Variants in FFAR2 observed in about 807,000 individuals in gnomAD.
The protein encoded by FFAR2 is G-protein coupled receptor 43.
For missense variants in FFAR2, 421 were observed against 428.9 expected (o/e 0.98, Z 0.16); for synonymous variants, 193 against 189.9 (o/e 1.02, Z -0.13).
In FFAR2 at chr19:35,450,614, A is replaced by G; in HGVS notation, c.900A>G (p.Gly300=). 6.2e-7 allele frequency: 1 copy of G among 1,614,164 alleles called. No homozygotes were observed. Among genetic ancestry groups the G allele is most frequent in the South Asian group, 1.1e-5 (1 of 91,082 alleles). ...VLRNQGSSLL[G]RRGKDTAEGT... The stretch of plus-strand genomic sequence containing the variant: ...GGAATCAGGGCTCCTCCCTGTTGGG[A>G]CGCAGAGGCAAAGACACAGCAGAGG... The change falls in exon 2 of 2, where the codon GGA becomes GGG. Residue 300 remains glycine (G), a synonymous_variant. Transcript: ENST00000599180.
At position 35,449,880 on chromosome 19, in the gene FFAR2, C is replaced by T; in HGVS notation, c.166C>T (p.Leu56Phe). Residue 56 changes from leucine to phenylalanine, a missense_variant, in exon 2 of 2, where the codon CTC becomes TTC. By Grantham distance (22) the Leu-to-Phe change is conservative. Transcript: ENST00000599180. The part of the protein sequence containing the change: ...ILLLSLTLAD[L>F]LLLLLLPFKI... ...CCTGCTGAGCCTGACGCTGGCCGAC[C>T]TCCTCCTGCTGCTGCTGCTGCCCTT... The T allele has an allele frequency of 6.2e-7, 1 of 1,613,142 alleles. No homozygotes were observed. The highest frequency in any genetic ancestry group is 8.5e-7 in the Non-Finnish European group (1 of 1,179,988).
chr19:35,449,571 G>T, intron 1 of FFAR2, 143 bp from the exon 2 acceptor site: 1 of 799,884 alleles, frequency 1.3e-6, no homozygotes. Context: ...AGCAGGTGGT[G>T]TGAGCAAGCC....
At position 35,450,476 on chromosome 19, in the gene FFAR2, G is replaced by A. The variant is rs778759432; in HGVS notation, c.762G>A (p.Trp254Ter). The A allele has an allele frequency of 3.1e-6, 5 of 1,614,240 alleles. No individual in the cohort carries two copies. Among genetic ancestry groups the A allele is most frequent in the Non-Finnish European group, 4.2e-6 (5 of 1,180,044 alleles). ...VGYHQRKSPW[W>*]RSIAVVFSSL... The stretch of plus-strand genomic sequence containing the variant: ...ATCACCAGAGAAAAAGCCCCTGGTG[G>A]CGGTCAATAGCCGTGGTGTTCAGTT... Residue 254 changes from tryptophan (W) to a stop codon, truncating the protein, a stop_gained, in exon 2 of 2, where the codon TGG becomes TGA. Coordinates refer to ENST00000599180, the MANE Select transcript of FFAR2 (RefSeq NM_001370087.1). LOFTEE classifies it low-confidence loss of function (END_TRUNC).
chr19:35,450,787 C>A lies in FFAR2; in HGVS notation c.*80C>A. The A allele has an allele frequency of 7.0e-7, 1 of 1,429,442 alleles. No individual in the cohort carries two copies. The highest frequency in any genetic ancestry group is 9.4e-7 in the Non-Finnish European group (1 of 1,062,178). The allele number at this position is 1,429,442 out of a possible 1,614,324, so 88.5% of individuals were successfully genotyped here. A position where few individuals can be genotyped will look rare whatever the true frequency, so the allele number is the denominator to read the frequency against. ...GGGAGAGGCGGAGCAGGAAGGCTCC[C>A]ATCCAGATTCAGAAATCCTTAGACC... On this transcript the variant is annotated 3_prime_UTR_variant, in exon 2 of 2. Coordinates refer to ENST00000599180, the MANE Select transcript of FFAR2 (RefSeq NM_001370087.1).
At chr19:35,449,637 C>A in intron 1 of FFAR2, 77 bp from the exon 2 acceptor site, 1 of 1,447,038 alleles carries the variant, frequency 6.9e-7, no homozygotes, top group Non-Finnish European at 9.3e-7. Flanking sequence ...GGAGGATGTC[C>A]GCATCCTGAA....
rs2067377870 is a variant in FFAR2, at chr19:35,450,860, A to G, written c.*153A>G. 1 of 732,206 alleles carries G rather than the reference A, an allele frequency of 1.4e-6. No homozygotes were observed. Among genetic ancestry groups the G allele is most frequent in the South Asian group, 1.9e-5 (1 of 52,732 alleles). 45.4% of individuals were successfully genotyped at this position (732,206 alleles called of 1,614,324 possible). A position where few individuals can be genotyped will look rare whatever the true frequency, so the allele number is the denominator to read the frequency against. On this transcript the variant is annotated 3_prime_UTR_variant, in exon 2 of 2. Transcript: ENST00000599180. ...AAAAAATGCCTTTCACCAGCTTGGTATCCCTTCCTGACTGAATTGTCCTAC... is the reference window on the plus strand; with the variant it reads ...AAAAAATGCCTTTCACCAGCTTGGTGTCCCTTCCTGACTGAATTGTCCTAC...
Position 35,450,053 on chromosome 19 carries a change from C to T in FFAR2, c.339C>T (p.Phe113=), listed in dbSNP as rs770171823. 1 of 1,614,186 alleles carries T rather than the reference C, an allele frequency of 6.2e-7. No individual in the cohort carries two copies. Among genetic ancestry groups the T allele is most frequent in the Non-Finnish European group, 8.5e-7 (1 of 1,180,028 alleles). ...TCGAGCGCTACCTGGGAGTGGCTTT[C>T]CCCGTGCAGTACAAGCTCTCCCGCC... ...ISIERYLGVA[F]PVQYKLSRRP... Residue 113 remains phenylalanine (F), a synonymous_variant, in exon 2 of 2, where the codon TTC becomes TTT. Transcript: ENST00000599180.
chr19:35,449,570 T>C, intron 1 of FFAR2, 144 bp from the exon 2 acceptor site: 2 of 772,958 alleles, frequency 2.6e-6, no homozygotes, highest in Non-Finnish European at 4.1e-6. Context: ...GAGCAGGTGG[T>C]GTGAGCAAGC....
rs1357075862 is a variant in FFAR2 at position 35,450,912 on chromosome 19, C to A, written c.*205C>A. ...CAAAGGAGCATAAGTCAGAGATGCA[C>A]GAAGAAGTAGTTAGGTATAGAAGCA... On this transcript the variant is annotated 3_prime_UTR_variant, in exon 2 of 2. Transcript: ENST00000599180. 6.9e-6 allele frequency: 4 copies of A among 577,768 alleles called. No homozygotes were observed. Among genetic ancestry groups the A allele is most frequent in the South Asian group, 4.5e-5 (2 of 44,342 alleles). The allele number at this position is 577,768 out of a possible 1,614,324, so 35.8% of individuals were successfully genotyped here. A position where few individuals can be genotyped will look rare whatever the true frequency, so the allele number is the denominator to read the frequency against.
At chr19:35,449,564 A>G (rs1379195038) in intron 1 of FFAR2, 150 bp from the exon 2 acceptor site, 2 of 716,018 alleles carry the variant, frequency 2.8e-6, no homozygotes, top group African/African-American at 3.6e-5. Flanking sequence ...TAGTTCGAGC[A>G]GGTGGTGTGA....
chr19:35,450,033 C>CT lies in FFAR2; in HGVS notation c.319_320insT (p.Arg107LeufsTer48). 6.2e-7 allele frequency: 1 copy of CT among 1,614,202 alleles called. No homozygotes were observed. The highest frequency in any genetic ancestry group is 8.5e-7 in the Non-Finnish European group (1 of 1,180,034). On this transcript the variant is annotated frameshift_variant, in exon 2 of 2. Coordinates refer to ENST00000599180, the MANE Select transcript of FFAR2 (RefSeq NM_001370087.1). LOFTEE classifies it low-confidence loss of function (END_TRUNC). ...GCTCCTGGCGGGCATCAGCATCGAG[C>CT]GCTACCTGGGAGTGGCTTTCCCCGT... is the stretch of plus-strand genomic sequence containing the variant.
At chr19:35,448,778 A>G (rs1322429607) in intron 1 of FFAR2, among the ~76,000 whole-genome samples, 1 of 150,062 alleles carries the variant, frequency 6.7e-6, no homozygotes, top group African/African-American at 2.5e-5. Flanking sequence ...ACCCTCCTCT[A>G]AGCCTCCCAG....
chr19:35,450,923 T>G lies in FFAR2; in HGVS notation c.*216T>G, dbSNP rs2145764827. ...AAGTCAGAGATGCACGAAGAAGTAG[T>G]TAGGTATAGAAGCACCTGCCGGGTG... On this transcript the variant is annotated 3_prime_UTR_variant, in exon 2 of 2. Transcript: ENST00000599180. 1.8e-6 allele frequency: 1 copy of G among 561,104 alleles called. No homozygotes were observed. The highest frequency in any genetic ancestry group is 3.0e-5 in the East Asian group (1 of 32,988). 34.8% of individuals were successfully genotyped at this position (561,104 alleles called of 1,614,324 possible).
Position 35,450,400 on chromosome 19 carries a change from T to C in FFAR2, c.686T>C (p.Leu229Pro). The C allele has an allele frequency of 6.2e-7, 1 of 1,614,218 alleles. No individual in the cohort carries two copies. The highest frequency in any genetic ancestry group is 8.5e-7 in the Non-Finnish European group (1 of 1,180,048). The change falls in exon 2 of 2, where the codon CTC becomes CCC. Residue 229 changes from leucine (L) to proline (P), a missense_variant. Transcript: ENST00000599180. ...GTGGGGCTGGCTGTGGTGACGCTGC[T>C]CAATTTCCTGGTGTGCTTCGGACCT... ...RAVGLAVVTLLNFLVCFGPYN... is the reference protein window; with the variant it reads ...RAVGLAVVTLPNFLVCFGPYN...
In FFAR2 at chr19:35,450,721, C is replaced by T. The variant is rs752211844; in HGVS notation, c.*14C>T. The T allele has an allele frequency of 3.1e-6, 5 of 1,603,832 alleles. No individual in the cohort carries two copies. The East Asian group carries it at 9.0e-5, about 29-fold the overall frequency. On this transcript the variant is annotated 3_prime_UTR_variant, in exon 2 of 2. Transcript: ENST00000599180. Reference sequence around the variant, plus strand: ...ACTACAGAGTAGCAGTTTCCCTGGACCTTCAGAGGTCGCCTGGGTTACACA... The same window carrying T: ...ACTACAGAGTAGCAGTTTCCCTGGATCTTCAGAGGTCGCCTGGGTTACACA...
rs778136932 is a variant in FFAR2, at chr19:35,450,448, GGT to G, written c.735_736del (p.Tyr246SerfsTer66). The G allele has an allele frequency of 6.2e-7, 1 of 1,614,234 alleles. No homozygotes were observed. The highest frequency in any genetic ancestry group is 2.2e-5 in the East Asian group (1 of 44,880). ...CCTTACAACGTGTCCCACCTGGTGG[GGT>G]ATCACCAGAGAAAAAGCCCCTGGTG... On this transcript the variant is annotated frameshift_variant, in exon 2 of 2. Transcript: ENST00000599180. LOFTEE classifies it low-confidence loss of function (END_TRUNC).
chr19:35,448,567 G>A (rs750404004), intron 1 of FFAR2, among the ~76,000 whole-genome samples, 188 bp downstream of exon 1: 1 of 152,172 alleles, frequency 6.6e-6, no homozygotes, highest in Non-Finnish European at 1.5e-5. Flanking sequence ...CAGAGGGACA[G>A]GACCTGGGTT....
rs1599744135 is a variant in FFAR2 at position 35,451,026 on chromosome 19, A to G, written c.*319A>G. 4.0e-6 allele frequency: 1 copy of G among 248,780 alleles called. No individual in the cohort carries two copies. Among genetic ancestry groups the G allele is most frequent in the Non-Finnish European group, 7.9e-6 (1 of 126,674 alleles). The allele number at this position is 248,780 out of a possible 1,614,324, so 15.4% of individuals were successfully genotyped here. A position where few individuals can be genotyped will look rare whatever the true frequency, so the allele number is the denominator to read the frequency against. On this transcript the variant is annotated 3_prime_UTR_variant, in exon 2 of 2. Coordinates refer to ENST00000599180, the MANE Select transcript of FFAR2 (RefSeq NM_001370087.1). ...CACTTGAGGTCGGGAGATTGAGAAC[A>G]TCCTGGTCAACATGGGAAAACCCCG...
intron 1 of FFAR2, among the ~76,000 whole-genome samples, chr19:35,448,805 C>CTT (rs68044450): frequency 7.1e-5 from 10 of 140,302 alleles, no homozygotes; most frequent in African/African-American, 1.0e-4. Flanking sequence ...CTTTTCTTTT[C>CTT]TTTTTTTTTT....
Sources: gnomAD v4.1 joint callset for allele counts (sites outside exome capture counted in the v4.1 genomes callset) on GRCh38, gnomAD v4.1.1 for gene constraint, MANE v1.5 for transcripts, NCBI Gene and HGNC (gene_info 2026-07-23, HGNC 2026-07-21) for gene names.